PRDM16: variants seen among roughly 807,000 people sequenced by gnomAD.
The protein encoded by PRDM16 is histone-lysine N-methyltransferase PRDM16.
Under a neutral mutation model 110.6 loss-of-function variants are expected in PRDM16, and 23 were observed. The ratio of observed to expected loss-of-function variants is 0.21; its 90% CI spans 0.15 to 0.29. PRDM16 has a LOEUF of 0.29. PRDM16 is among the 10% of genes least tolerant of loss of function. The pLI, the probability that PRDM16 is intolerant of heterozygous loss-of-function variation, is 1.00. For synonymous variants in PRDM16, 799 were observed against 781.8 expected (o/e 1.02, Z -0.37); for missense variants, 1,615 against 1,794.3 (o/e 0.90, Z 1.81).
intron 1 of PRDM16, among the ~76,000 whole-genome samples, chr1:3,096,456 G>C (rs1262192156): frequency 2.0e-5 from 3 of 152,188 alleles, no homozygotes; most frequent in Non-Finnish European, 4.4e-5. Context: ...AGGCGACTGG[G>C]CCTGAATGCA....
intron 3 of PRDM16, among the ~76,000 whole-genome samples, chr1:3,305,110 A>T (rs1256975797): frequency 2.0e-5 from 3 of 152,134 alleles, no homozygotes; most frequent in African/African-American, 7.2e-5. Flanking sequence ...TCCAGGCCGG[A>T]AAGCCTACAG....
chr1:3,259,441 G>A (rs1640116580), intron 3 of PRDM16, among the ~76,000 whole-genome samples: 1 of 152,222 alleles, frequency 6.6e-6, no homozygotes. Context: ...ATGATCTTAG[G>A]GCACAACTGG....
intron 1 of PRDM16, among the ~76,000 whole-genome samples, chr1:3,145,912 C>A (rs567212276): frequency 6.6e-6 from 1 of 152,236 alleles, no homozygotes; most frequent in Non-Finnish European, 1.5e-5. Context: ...GTCAGGCTGA[C>A]GTCCTGGAGA....
intron 1 of PRDM16, among the ~76,000 whole-genome samples, chr1:3,105,851 A>G (rs1642639875): frequency 6.6e-6 from 1 of 150,926 alleles, no homozygotes; most frequent in African/African-American, 2.5e-5. Flanking sequence ...AACAGGCGAG[A>G]GGCCAGGGCA....
intron 3 of PRDM16, among the ~76,000 whole-genome samples, chr1:3,321,277 TGA>T (rs1212956930): frequency 6.6e-6 from 1 of 152,082 alleles, no homozygotes; most frequent in African/African-American, 2.4e-5. Flanking sequence ...TATGTGTATG[TGA>T]GTGTGGCAGT....
chr1:3,164,745 T>C (rs1627080), intron 1 of PRDM16, among the ~76,000 whole-genome samples: 94,150 of 151,952 alleles, frequency 0.62, 31,789 homozygotes, highest in African/African-American at 0.9. Context: ...TGGGGTCAGG[T>C]GTCCCGGCAG....
At chr1:3,204,578 A>G (rs748772527) in intron 2 of PRDM16, among the ~76,000 whole-genome samples, 19 of 152,190 alleles carry the variant, frequency 1.2e-4, no homozygotes, top group Non-Finnish European at 2.6e-4. Context: ...TGTGTGGGTG[A>G]GGTTTTGGGA....
In PRDM16 at chr1:3,322,045, G is replaced by T. The variant is rs537789651; in HGVS notation, c.439-63107G>T. The stretch of plus-strand genomic sequence containing the variant: ...GTGCAGATGTGTGTGAGAGTGTTTG[G>T]AGGTCGTGTGTGTGTGGGGAGTGCA... On this transcript the variant is annotated intron_variant, in intron 3 of 16. Transcript: ENST00000270722. 2.0e-5 allele frequency among the ~76,000 whole-genome samples: 3 copies of T among 149,750 alleles called. No individual in the cohort carries two copies. In the East Asian group the frequency reaches 5.9e-4, roughly 30 times the overall value.
chr1:3,421,400 G>A (rs1296511686), intron 12 of PRDM16, among the ~76,000 whole-genome samples: 3 of 152,170 alleles, frequency 2.0e-5, no homozygotes, highest in Non-Finnish European at 4.4e-5. Context: ...TACCCTGCAC[G>A]TTCTCCTTCC....
At chr1:3,096,515 A>G (rs1570242990) in intron 1 of PRDM16, among the ~76,000 whole-genome samples, 1 of 152,184 alleles carries the variant, frequency 6.6e-6, no homozygotes, top group Non-Finnish European at 1.5e-5. Flanking sequence ...CTGATGCTGG[A>G]AACCACTGGC....
At chr1:3,070,715 A>C (rs1432190829) in intron 1 of PRDM16, among the ~76,000 whole-genome samples, 1 of 151,922 alleles carries the variant, frequency 6.6e-6, no homozygotes, top group Admixed American at 6.5e-5. Flanking sequence ...GGTTTTCCGA[A>C]GCTCCGCTCC....
chr1:3,365,212 T>C (rs1405961744), intron 3 of PRDM16, among the ~76,000 whole-genome samples: 1 of 152,168 alleles, frequency 6.6e-6, no homozygotes, highest in Non-Finnish European at 1.5e-5. Flanking sequence ...GTGGGCGCAG[T>C]GACCCTGGGC....
intron 3 of PRDM16, among the ~76,000 whole-genome samples, chr1:3,269,929 T>G: frequency 7.2e-6 from 1 of 138,862 alleles, no homozygotes; most frequent in East Asian, 2.2e-4. Context: ...AGGAGGACAA[T>G]CGGGAGGAGG....
At chr1:3,251,270 A>G (rs1002172692) in intron 3 of PRDM16, among the ~76,000 whole-genome samples, 3 of 149,300 alleles carry the variant, frequency 2.0e-5, no homozygotes, top group South Asian at 4.3e-4. Flanking sequence ...CTCTTTTGCA[A>G]TGGGAGATAA....
At chr1:3,094,329 G>A (rs1250399905) in intron 1 of PRDM16, among the ~76,000 whole-genome samples, 2 of 152,246 alleles carry the variant, frequency 1.3e-5, no homozygotes, top group Non-Finnish European at 2.9e-5. Flanking sequence ...GGAATTGTCA[G>A]AGCGGAACGA....
chr1:3,374,927 A>G (rs1425240039), intron 3 of PRDM16, among the ~76,000 whole-genome samples: 1 of 152,228 alleles, frequency 6.6e-6, no homozygotes, highest in Non-Finnish European at 1.5e-5. Context: ...AGTGGCCGCC[A>G]CAGGCACACA....
chr1:3,250,840 C>T (rs1639913420), intron 3 of PRDM16, among the ~76,000 whole-genome samples: 1 of 152,282 alleles, frequency 6.6e-6, no homozygotes, highest in South Asian at 2.1e-4. Flanking sequence ...GACCCTGAAG[C>T]GTCCTGGGAA....
At chr1:3,178,281 G>A (rs1644112215) in intron 1 of PRDM16, among the ~76,000 whole-genome samples, 1 of 152,204 alleles carries the variant, frequency 6.6e-6, no homozygotes, top group African/African-American at 2.4e-5. Flanking sequence ...TACACAGACA[G>A]GTAAGGGGCG....
chr1:3,323,301 T>C (rs59805436), intron 3 of PRDM16, among the ~76,000 whole-genome samples: 236 of 152,318 alleles, frequency 1.5e-3, no homozygotes, highest in African/African-American at 5.3e-3. Context: ...GAGTCCGACC[T>C]CCTGGGCTTG....
Sources: gnomAD v4.1 joint callset for allele counts (sites outside exome capture counted in the v4.1 genomes callset) on GRCh38, gnomAD v4.1.1 for gene constraint, MANE v1.5 for transcripts, NCBI Gene and HGNC (gene_info 2026-07-23, HGNC 2026-07-21) for gene names.